The following ARHGEF10L variants were observed in gnomAD, a reference collection of about 807,000 sequenced individuals.
ARHGEF10L encodes Rho guanine nucleotide exchange factor 10 like.
A neutral mutation model predicts 141.2 loss-of-function variants in ARHGEF10L; 69 were observed. The observed-to-expected ratio is 0.49, with a 90% CI of 0.40 to 0.60. The LOEUF is 0.60. ARHGEF10L is among the 20% of genes least tolerant of loss of function. The pLI, the probability that ARHGEF10L is intolerant of heterozygous loss-of-function variation, is 0.00. For missense variants in ARHGEF10L, 1,482 were observed against 1,734.3 expected (o/e 0.85, Z 2.58); for synonymous variants, 711 against 718.5 (o/e 0.99, Z 0.17).
intron 1 of ARHGEF10L, among the ~76,000 whole-genome samples, chr1:17,568,310 A>C (rs1003378157): frequency 6.6e-6 from 1 of 152,250 alleles, no homozygotes; most frequent in African/African-American, 2.4e-5. Context: ...TTTAATCATT[A>C]GAACAGCCCT....
intron 1 of ARHGEF10L, among the ~76,000 whole-genome samples, chr1:17,565,885 C>G (rs1252877350): frequency 6.6e-6 from 1 of 152,154 alleles, no homozygotes; most frequent in Non-Finnish European, 1.5e-5. Flanking sequence ...CTCCCCACCT[C>G]CTGTATTGCG....
At position 17,623,194 on chromosome 1, in the gene ARHGEF10L, T is replaced by A. The variant is rs747989836; in HGVS notation, c.1200+19T>A. ...GGCCTCGGTAAGTGTCCCCAAACTTTTTCCCCAGCCCACCAAGGTAAAACC... is the reference window on the plus strand; with the variant it reads ...GGCCTCGGTAAGTGTCCCCAAACTTATTCCCCAGCCCACCAAGGTAAAACC... On this transcript the variant is annotated intron_variant, in intron 12 of 28. Transcript: ENST00000361221. This position sits in a 1 kb window ranked among gnomAD's most constrained non-coding sequence, Gnocchi z 4.7. 2 of 1,608,126 alleles carry A rather than the reference T, an allele frequency of 1.2e-6. No individual in the cohort carries two copies. Among genetic ancestry groups the A allele is most frequent in the Admixed American group, 3.4e-5 (2 of 58,862 alleles).
chr1:17,640,914 T>G (rs2061295374), intron 21 of ARHGEF10L, among the ~76,000 whole-genome samples: 1 of 152,214 alleles, frequency 6.6e-6, no homozygotes. Flanking sequence ...TGTGCATCTT[T>G]TTCATTTCAC....
chr1:17,693,676 G>T (rs571033635), intron 27 of ARHGEF10L, among the ~76,000 whole-genome samples: 2 of 152,284 alleles, frequency 1.3e-5, no homozygotes, highest in African/African-American at 2.4e-5. Context: ...GCCGGCATTT[G>T]TGTCTTGCAT....
rs946579207 is a variant in ARHGEF10L at position 17,573,577 on chromosome 1, G to A, written c.-43-6976G>A. 6.6e-5 allele frequency among the ~76,000 whole-genome samples: 10 copies of A among 152,132 alleles called. No individual in the cohort carries two copies. The highest frequency in any genetic ancestry group is 2.4e-4 in the African/African-American group (10 of 41,424). The stretch of plus-strand genomic sequence containing the variant: ...GGTTAATGTGTCTGGGGGCTGGGAG[G>A]GAAGGAGGAAGAGCAGGAGGAGGAG... On this transcript the variant is annotated intron_variant, in intron 1 of 28. Transcript: ENST00000361221. The surrounding 1 kb of genome is among the most constrained non-coding windows in gnomAD (Gnocchi z 4.8).
chr1:17,603,671 G>T lies in ARHGEF10L; in HGVS notation c.433+80G>T. The T allele has an allele frequency of 7.6e-7, 1 of 1,307,800 alleles. No homozygotes were observed. The highest frequency in any genetic ancestry group is 1.0e-6 in the Non-Finnish European group (1 of 953,566). 81.0% of individuals were successfully genotyped at this position (1,307,800 alleles called of 1,614,324 possible). ...GGACTGGGGAGGGTTGTCTCTTTCC[G>T]TTTCCTTCTGTCCCCACCTGGCCAA... On this transcript the variant is annotated intron_variant, in intron 6 of 28. Transcript: ENST00000361221. This position sits in a 1 kb window ranked among gnomAD's most constrained non-coding sequence, Gnocchi z 4.8.
rs2078104212 is a variant in ARHGEF10L, at chr1:17,573,743, C to T, written c.-43-6810C>T. On this transcript the variant is annotated intron_variant, in intron 1 of 28. Transcript: ENST00000361221. This position sits in a 1 kb window ranked among gnomAD's most constrained non-coding sequence, Gnocchi z 4.8. ...CCTGGCCTCAGGGTCGGCTCCTTCCCACAGAGACCTACTCCCAGGGCCCCC... is the reference window on the plus strand; with the variant it reads ...CCTGGCCTCAGGGTCGGCTCCTTCCTACAGAGACCTACTCCCAGGGCCCCC... Among the ~76,000 whole-genome samples the T allele has an allele frequency of 6.6e-6, 1 of 152,008 alleles. No homozygotes were observed. The highest frequency in any genetic ancestry group is 1.5e-5 in the Non-Finnish European group (1 of 67,966).
At chr1:17,529,075 C>G in the ARHGEF10L span, among the ~76,000 whole-genome samples, 1 of 152,126 alleles carries the variant, frequency 6.6e-6, no homozygotes, top group African/African-American at 2.4e-5. Flanking sequence ...GTGATCTTGG[C>G]TCACTGCAAC....
chr1:17,535,328 T>C (rs984874792), upstream of ARHGEF10L, among the ~76,000 whole-genome samples: 2 of 152,198 alleles, frequency 1.3e-5, no homozygotes, highest in African/African-American at 4.8e-5. Context: ...GGCATGGCTA[T>C]ACATAGAGAT....
At chr1:17,547,151 G>T (rs2076947097) in intron 1 of ARHGEF10L, among the ~76,000 whole-genome samples, 1 of 152,222 alleles carries the variant, frequency 6.6e-6, no homozygotes, top group African/African-American at 2.4e-5. Context: ...TGACCACTTG[G>T]CCACAGGCCC....
chr1:17,574,556 A>C (rs1370867347), intron 1 of ARHGEF10L, among the ~76,000 whole-genome samples: 1 of 152,218 alleles, frequency 6.6e-6, no homozygotes, highest in Admixed American at 6.5e-5. Flanking sequence ...CAGGAGGCGC[A>C]GAGGGCTGCC....
At position 17,656,194 on chromosome 1, in the gene ARHGEF10L, G is replaced by T. The variant is rs540830527; in HGVS notation, c.2705+92G>T. 171 of 1,376,440 alleles carry T rather than the reference G, an allele frequency of 1.2e-4. No homozygotes were observed. In the African/African-American group the frequency reaches 2.2e-3, roughly 18 times the overall value. 85.3% of individuals were successfully genotyped at this position (1,376,440 alleles called of 1,614,324 possible). ...CTGTAGCCTTCCGGATCTGCCTGTT[G>T]CCCACCAACATTCTCTGCCCCTGGT... On this transcript the variant is annotated intron_variant, in intron 24 of 28. Transcript: ENST00000361221. The surrounding 1 kb of genome is among the most constrained non-coding windows in gnomAD (Gnocchi z 4.9).
intron 25 of ARHGEF10L, among the ~76,000 whole-genome samples, chr1:17,663,533 G>A (rs2062772017): frequency 6.7e-6 from 1 of 148,722 alleles, no homozygotes; most frequent in Non-Finnish European, 1.5e-5. Flanking sequence ...CAGCCTGGGA[G>A]ACAGAGTGAG....
At chr1:17,651,775 C>T (rs1191146637) in intron 22 of ARHGEF10L, among the ~76,000 whole-genome samples, 1 of 152,142 alleles carries the variant, frequency 6.6e-6, no homozygotes, top group Non-Finnish European at 1.5e-5. Flanking sequence ...TGGAGGGAGG[C>T]GAGTGACTCT....
At position 17,619,434 on chromosome 1, in the gene ARHGEF10L, A is replaced by T. The variant is rs1159550620; in HGVS notation, c.931A>T (p.Ser311Cys). The T allele has an allele frequency of 1.2e-5, 20 of 1,603,350 alleles. No individual in the cohort carries two copies. Among genetic ancestry groups the T allele is most frequent in the Non-Finnish European group, 1.6e-5 (19 of 1,175,944 alleles). ...PELGPMPEGL[S>C]PQQVVRRHIL... Reference sequence around the variant, plus strand: ...GCTGGGCCCCATGCCAGAGGGCCTGAGCCCTCAGCAGGTCTGTGGGGGAGT... The same window carrying T: ...GCTGGGCCCCATGCCAGAGGGCCTGTGCCCTCAGCAGGTCTGTGGGGGAGT... The change falls in exon 10 of 29, where the codon AGC becomes TGC. Residue 311 changes from serine to cysteine, a missense_variant. This residue lies in a region of ARHGEF10L where 392 missense variants were observed against 542.1 expected (regional missense o/e 0.72). Coordinates refer to ENST00000361221, the MANE Select transcript of ARHGEF10L (RefSeq NM_018125.4). The surrounding 1 kb of genome is among the most constrained non-coding windows in gnomAD (Gnocchi z 5.0).
At chr1:17,632,174 A>C (rs972252437) in intron 15 of ARHGEF10L, 147 bp from the exon 16 acceptor site, 2 of 986,432 alleles carry the variant, frequency 2.0e-6, no homozygotes, top group African/African-American at 3.2e-5. Flanking sequence ...GCATCTTGTC[A>C]CCCAGGGATG....
At chr1:17,620,958 C>T (rs997992878) in intron 10 of ARHGEF10L, among the ~76,000 whole-genome samples, 3 of 152,130 alleles carry the variant, frequency 2.0e-5, no homozygotes, top group Non-Finnish European at 2.9e-5. Flanking sequence ...GAAAGATCCT[C>T]AGCTGAGGGA....
At chr1:17,634,354 T>G in intron 16 of ARHGEF10L, 194 bp from the exon 17 acceptor site, 1 of 820,202 alleles carries the variant, frequency 1.2e-6, no homozygotes, top group Non-Finnish European at 2.0e-6. Context: ...GGGGCTGTTG[T>G]GAGACCCAGA....
At chr1:17,690,998 G>T in intron 27 of ARHGEF10L, 1 of 323,380 alleles carries the variant, frequency 3.1e-6, no homozygotes. Context: ...ACTAAGTGTG[G>T]ATTTTTTTAG....
Sources: allele counts gnomAD v4.1 joint callset (sites outside exome capture counted in the v4.1 genomes callset), GRCh38; gene constraint gnomAD v4.1.1; regional missense constraint gnomAD v4.1.1; non-coding constraint Gnocchi (gnomAD v3.1); transcripts MANE v1.5; gene names NCBI Gene and HGNC (gene_info 2026-07-23, HGNC 2026-07-21).